The following RAP1GDS1 variants were observed in gnomAD, a reference collection of about 807,000 sequenced individuals.
RAP1GDS1 encodes RAP1, GTP-GDP dissociation stimulator 1.
In RAP1GDS1, 35 loss-of-function variants were observed where a neutral mutation model predicts 71.1. That is an observed-to-expected ratio of 0.49 (90% CI 0.38 to 0.65). RAP1GDS1 has a LOEUF of 0.65. RAP1GDS1 is among the 30% of genes least tolerant of loss of function. The probability of loss-of-function intolerance (pLI) is 0.00; values close to 1 mark genes in which losing one functional copy is unlikely to be tolerated. For synonymous variants in RAP1GDS1, 229 were observed against 243.1 expected (o/e 0.94, Z 0.54); for missense variants, 663 against 706.1 (o/e 0.94, Z 0.69).
intron 4 of RAP1GDS1, among the ~76,000 whole-genome samples, chr4:98,363,463 A>G (rs1739035869): frequency 7.5e-6 from 1 of 133,744 alleles, no homozygotes; most frequent in Non-Finnish European, 1.6e-5. Flanking sequence ...CCTAAATAAC[A>G]GTGAGACCCT....
chr4:98,372,593 C>T (rs1740555253), intron 4 of RAP1GDS1, among the ~76,000 whole-genome samples: 1 of 152,210 alleles, frequency 6.6e-6, no homozygotes, highest in Admixed American at 6.5e-5. Context: ...AATCACCTTA[C>T]TGTACAGTTC....
At chr4:98,380,852 A>C (rs1458078042) in intron 5 of RAP1GDS1, among the ~76,000 whole-genome samples, 1 of 151,762 alleles carries the variant, frequency 6.6e-6, no homozygotes. Flanking sequence ...TAGTAGAATT[A>C]GTCTTGTTAT....
chr4:98,357,373 G>T (rs984059571), intron 4 of RAP1GDS1, among the ~76,000 whole-genome samples: 2 of 151,868 alleles, frequency 1.3e-5, no homozygotes, highest in African/African-American at 4.8e-5. Context: ...TATTTTATGA[G>T]TTTATTATTA....
At chr4:98,296,762 T>G (rs144192950) in intron 2 of RAP1GDS1, among the ~76,000 whole-genome samples, 1 of 152,300 alleles carries the variant, frequency 6.6e-6, no homozygotes, top group Non-Finnish European at 1.5e-5. Context: ...CCACCTATTT[T>G]CATCCCCAAA....
At chr4:98,388,720 C>T (rs771329465) in intron 5 of RAP1GDS1, among the ~76,000 whole-genome samples, 3 of 152,018 alleles carry the variant, frequency 2.0e-5, no homozygotes, top group Admixed American at 1.3e-4. Flanking sequence ...AGTGAGACTT[C>T]GTCTCAAAAA....
rs1290454815 is a variant in RAP1GDS1, at chr4:98,324,957, A to G, written c.113-18182A>G. Among the ~76,000 whole-genome samples the G allele has an allele frequency of 3.3e-5, 5 of 151,702 alleles. No homozygotes were observed. The East Asian group carries it at 9.7e-4, about 29-fold the overall frequency. ...AAACTAAAGAGCTTCTGCACAGCAA[A>G]AGAAACTACCATCAGAGTGAACAGG... On this transcript the variant is annotated intron_variant, in intron 2 of 14. Transcript: ENST00000408927.
chr4:98,287,500 C>T (rs1241885526), intron 1 of RAP1GDS1, among the ~76,000 whole-genome samples: 3 of 152,020 alleles, frequency 2.0e-5, no homozygotes, highest in African/African-American at 7.2e-5. Context: ...GGTGAATAGG[C>T]ACAGAGTTAC....
chr4:98,278,009 T>C (rs781024187), intron 1 of RAP1GDS1, among the ~76,000 whole-genome samples: 21 of 152,174 alleles, frequency 1.4e-4, no homozygotes, highest in Non-Finnish European at 2.2e-4. Context: ...GATGTGTCAC[T>C]TGAGGCCAGG....
chr4:98,384,506 CAGTT>C (rs887533088), intron 5 of RAP1GDS1, among the ~76,000 whole-genome samples: 3 of 151,618 alleles, frequency 2.0e-5, no homozygotes, highest in East Asian at 1.9e-4. Flanking sequence ...AAGAATAGAG[CAGTT>C]AGTTAGTCTG....
intron 5 of RAP1GDS1, among the ~76,000 whole-genome samples, chr4:98,389,043 A>G (rs887487311): frequency 1.4e-5 from 2 of 142,546 alleles, no homozygotes; most frequent in African/African-American, 2.9e-5. Context: ...AACAATGGCT[A>G]CTAATACAAT....
chr4:98,390,479 C>A (rs1043081905), intron 5 of RAP1GDS1, among the ~76,000 whole-genome samples: 6 of 151,846 alleles, frequency 4.0e-5, no homozygotes, highest in African/African-American at 1.4e-4. Flanking sequence ...ATTTTTTATT[C>A]TTATTTTGGT....
chr4:98,308,521 A>G (rs924390034), intron 2 of RAP1GDS1, among the ~76,000 whole-genome samples: 9 of 149,858 alleles, frequency 6.0e-5, no homozygotes, highest in Non-Finnish European at 1.3e-4. Context: ...AAGATTTTAA[A>G]CCACAAATTT....
chr4:98,326,379 C>A (rs915822412), intron 2 of RAP1GDS1, among the ~76,000 whole-genome samples: 1 of 152,140 alleles, frequency 6.6e-6, no homozygotes, highest in East Asian at 1.9e-4. Flanking sequence ...AGCAATATCT[C>A]CCTTTTTTCT....
intron 2 of RAP1GDS1, among the ~76,000 whole-genome samples, chr4:98,299,600 T>C (rs1411166248): frequency 6.6e-6 from 1 of 151,764 alleles, no homozygotes; most frequent in Non-Finnish European, 1.5e-5. Context: ...TCACTTCTTA[T>C]AGATGAGAAA....
At chr4:98,376,846 G>T (rs1166682373) in intron 4 of RAP1GDS1, among the ~76,000 whole-genome samples, 3 of 151,950 alleles carry the variant, frequency 2.0e-5, no homozygotes, top group Admixed American at 6.6e-5. Flanking sequence ...TTCAGAGGAG[G>T]GGGGTGGAAG....
intron 13 of RAP1GDS1, among the ~76,000 whole-genome samples, chr4:98,435,302 A>G (rs530895063): frequency 2.4e-4 from 36 of 152,192 alleles, no homozygotes; most frequent in Non-Finnish European, 3.8e-4. Context: ...GATCAAGTCA[A>G]GGTGTATAGG....
chr4:98,303,498 G>A (rs1031681608), intron 2 of RAP1GDS1, among the ~76,000 whole-genome samples: 1 of 151,230 alleles, frequency 6.6e-6, no homozygotes, highest in Non-Finnish European at 1.5e-5. Flanking sequence ...CTTTGTTTCT[G>A]CTGAAGCTTT....
intron 2 of RAP1GDS1, among the ~76,000 whole-genome samples, chr4:98,312,609 T>G (rs1192446142): frequency 6.6e-6 from 1 of 152,138 alleles, no homozygotes; most frequent in African/African-American, 2.4e-5. Context: ...TTGGGAGGGC[T>G]AAGATGATCC....
At chr4:98,348,882 A>C (rs1040096629) in intron 3 of RAP1GDS1, among the ~76,000 whole-genome samples, 1 of 152,108 alleles carries the variant, frequency 6.6e-6, no homozygotes, top group Non-Finnish European at 1.5e-5. Context: ...TTGTCAGATG[A>C]GTAGATTGCA....
Sources: allele counts gnomAD v4.1 joint callset (sites outside exome capture counted in the v4.1 genomes callset), GRCh38; gene constraint gnomAD v4.1.1; transcripts MANE v1.5; gene names NCBI Gene and HGNC (gene_info 2026-07-23, HGNC 2026-07-21).